Variants in APOB observed in about 807,000 individuals in gnomAD.
The protein encoded by APOB is apolipoprotein B.
APOB carries 153 observed loss-of-function variants against 314.1 expected under a neutral mutation model. The ratio of observed to expected loss-of-function variants is 0.49; its 90% CI spans 0.43 to 0.56. The LOEUF is 0.56. APOB is among the 20% of genes least tolerant of loss of function. The probability of loss-of-function intolerance (pLI) is 0.00; values close to 1 mark genes in which losing one functional copy is unlikely to be tolerated. For missense variants in APOB, 5,430 were observed against 5,350.7 expected, an observed-to-expected ratio of 1.01 and a Z score of -0.46; for synonymous variants, 2,087 against 2,036.4, an observed-to-expected ratio of 1.02 and a Z score of -0.67.
At position 21,026,317 on chromosome 2, in the gene APOB, G is replaced by A. The variant is rs532390779; in HGVS notation, c.2244+471C>T. On this transcript the variant is annotated intron_variant, in intron 15 of 28. Coordinates refer to ENST00000233242, the MANE Select transcript of APOB (RefSeq NM_000384.3). ...GGCTGGAGTGTAACGGCGTGATCTC[G>A]GCTCACTGCAACCTCCACCTCCCGG... Among the ~76,000 whole-genome samples, 12 of 151,608 alleles carry A rather than the reference G, an allele frequency of 7.9e-5. No individual in the cohort carries two copies. In the South Asian group the frequency reaches 2.5e-3, roughly 32 times the overall value.
chr2:21,012,329 C>T lies in APOB; in HGVS notation c.4539G>A (p.Arg1513=), dbSNP rs146654211. The T allele has an allele frequency of 8.7e-6, 14 of 1,614,150 alleles. No individual in the cohort carries two copies. The highest frequency in any genetic ancestry group is 2.7e-5 in the African/African-American group (2 of 75,022). Residue 1513 remains arginine, a synonymous_variant, in exon 26 of 29, where the codon CGG becomes CGA. Transcript: ENST00000233242. ...ACCTCAGGTTGGACTCTCCATTGAG[C>T]CGGCCAGTGTTAGGATCCCTCTGAC... ...LSCQRDPNTG[R]LNGESNLRFN...
intron 14 of APOB, among the ~76,000 whole-genome samples, chr2:21,027,372 C>G (rs1003876845): frequency 7.4e-6 from 1 of 134,610 alleles, no homozygotes; most frequent in African/African-American, 2.8e-5. Context: ...AGCGCAGTGG[C>G]GCAATCTCTC....
rs762080553 is a variant in APOB at position 21,019,744 on chromosome 2, T to C, written c.2978A>G (p.Tyr993Cys). 9.3e-6 allele frequency: 15 copies of C among 1,613,958 alleles called. No individual in the cohort carries two copies. Among genetic ancestry groups the C allele is most frequent in the Non-Finnish European group, 1.3e-5 (15 of 1,180,004 alleles). ...NASSTDSASY[Y>C]PLTGDTRLEL... ...TAACCTGGTGTCCCCGGTCAGCGGA[T>C]AGTAGGAGGCGGAGTCTGTGGAGCT... Residue 993 changes from tyrosine (Y) to cysteine (C), a missense_variant, in exon 19 of 29, where the codon TAT (tyrosine) becomes TGT (cysteine). This residue lies in a region of APOB where 2,085 missense variants were observed against 2,079.7 expected (regional missense o/e 1.00). Coordinates refer to ENST00000233242, the MANE Select transcript of APOB (RefSeq NM_000384.3).
At chr2:21,003,494 T>C (rs1462332760) in intron 28 of APOB, among the ~76,000 whole-genome samples, 160 bp from the exon 29 acceptor site, 1 of 152,202 alleles carries the variant, frequency 6.6e-6, no homozygotes, top group African/African-American at 2.4e-5. Context: ...GTTTGTTTTA[T>C]GGTTAAATAA....
chr2:21,035,419 C>T (rs1386687872), intron 7 of APOB, among the ~76,000 whole-genome samples, 165 bp downstream of exon 7: 1 of 152,126 alleles, frequency 6.6e-6, no homozygotes, highest in Non-Finnish European at 1.5e-5. Flanking sequence ...GACTTTTCTG[C>T]CAAATGGCCT....
In APOB at chr2:21,003,046, TATC is replaced by T. The variant is rs922348629; in HGVS notation, c.12373_12375del (p.Asp4125del). ...GCTGCTTTCTGGAACCTCACGTCGA[TATC>T]ATCAATTTGCCTAATGGCCCCTTGA... On this transcript the variant is annotated inframe_deletion, in exon 29 of 29. Coordinates refer to ENST00000233242, the MANE Select transcript of APOB (RefSeq NM_000384.3). 1.3e-6 allele frequency: 2 copies of T among 1,568,900 alleles called. No individual in the cohort carries two copies.
At chr2:21,043,817 G>T (rs1255706198) in intron 1 of APOB, 47 bp downstream of exon 1, 1 of 1,532,452 alleles carries the variant, frequency 6.5e-7, no homozygotes, top group Admixed American at 1.9e-5. Flanking sequence ...TCGTGCCGCC[G>T]GCTCCCTCCC....
rs1231966626 is a variant in APOB at position 21,001,884 on chromosome 2, A to C, written c.13538T>G (p.Phe4513Cys). ...SDQLSDYYEKFIAESKRLIDL... is the reference protein window; with the variant it reads ...SDQLSDYYEKCIAESKRLIDL... ...AATCAATCTTTTGGATTCAGCAATA[A>C]ATTTTTCATAGTAATCAGAGAGTTG... The change falls in exon 29 of 29, where the codon TTT becomes TGT. Residue 4513 changes from phenylalanine (F) to cysteine (C), a missense_variant. Physicochemically the swap from Phe to Cys is radical, Grantham distance 205 (BLOSUM62 -2). Transcript: ENST00000233242. 1.9e-6 allele frequency: 3 copies of C among 1,614,020 alleles called. No individual in the cohort carries two copies. Among genetic ancestry groups the C allele is most frequent in the South Asian group, 1.1e-5 (1 of 91,074 alleles).
At chr2:21,020,847 G>C (rs1292142852) in intron 18 of APOB, among the ~76,000 whole-genome samples, 1 of 152,156 alleles carries the variant, frequency 6.6e-6, no homozygotes, top group Non-Finnish European at 1.5e-5. Context: ...GCTGCTCTTT[G>C]GCTTCTGTGA....
rs747210676 is a variant in APOB at position 21,001,691 on chromosome 2, A to G, written c.*39T>C. 2.5e-6 allele frequency: 4 copies of G among 1,604,670 alleles called. No individual in the cohort carries two copies. In the East Asian group the frequency reaches 8.9e-5, roughly 36 times the overall value. Reference sequence around the variant, plus strand: ...TTTTTCTGTGCTATGTGAAAGTTCAATTGGAAAAGAAGAATAAATGAAGAT... The same window carrying G: ...TTTTTCTGTGCTATGTGAAAGTTCAGTTGGAAAAGAAGAATAAATGAAGAT... On this transcript the variant is annotated 3_prime_UTR_variant, in exon 29 of 29. Transcript: ENST00000233242.
At chr2:21,026,654 G>T in intron 15 of APOB, 134 bp downstream of exon 15, 1 of 769,222 alleles carries the variant, frequency 1.3e-6, no homozygotes, top group Non-Finnish European at 2.3e-6. Flanking sequence ...CCTTACCCCA[G>T]CAGGTCTGGT....
intron 9 of APOB, 50 bp downstream of exon 9, chr2:21,033,249 A>G (rs750072552): frequency 1.2e-5 from 18 of 1,474,064 alleles, no homozygotes; most frequent in Non-Finnish European, 1.7e-5. Context: ...TTGAAAGTTC[A>G]GTCAGTTACC....
At chr2:21,017,681 T>A (rs1663512655) in intron 20 of APOB, among the ~76,000 whole-genome samples, 2 of 152,214 alleles carry the variant, frequency 1.3e-5, no homozygotes, top group African/African-American at 4.8e-5. Flanking sequence ...GGTTCCTTGC[T>A]GCCCTTGCCC....
chr2:21,012,095 G>A lies in APOB; in HGVS notation c.4773C>T (p.Phe1591=), dbSNP rs1572785247. 7 of 1,613,734 alleles carry A rather than the reference G, an allele frequency of 4.3e-6. No individual in the cohort carries two copies. The East Asian group carries it at 1.6e-4, about 36-fold the overall frequency. Reference sequence around the variant, plus strand: ...AACGCAGCAGTGCATTTTGCTTAGAGAAGGTCATATCCATCTTGTTAGAAG... The same window carrying A: ...AACGCAGCAGTGCATTTTGCTTAGAAAAGGTCATATCCATCTTGTTAGAAG... ...FATSNKMDMT[F]SKQNALLRSE... is the part of the protein sequence containing the mutation. Residue 1591 remains phenylalanine (F), a synonymous_variant, in exon 26 of 29, where the codon TTC becomes TTT. Coordinates refer to ENST00000233242, the MANE Select transcript of APOB (RefSeq NM_000384.3).
At chr2:21,022,048 T>C (rs1490561861) in intron 18 of APOB, among the ~76,000 whole-genome samples, 1 of 152,220 alleles carries the variant, frequency 6.6e-6, no homozygotes, top group Non-Finnish European at 1.5e-5. Flanking sequence ...CTTGAACTCT[T>C]GGGCTCAGTT....
chr2:21,025,248 G>A (rs1663703293), intron 15 of APOB, 124 bp from the exon 16 acceptor site: 1 of 897,108 alleles, frequency 1.1e-6, no homozygotes, highest in South Asian at 1.4e-5. Flanking sequence ...GTGAGGAACA[G>A]GGAGACACTG....
At chr2:21,023,086 A>C (rs755338640) in intron 17 of APOB, 44 bp from the exon 18 acceptor site, 1 of 1,555,306 alleles carries the variant, frequency 6.4e-7, no homozygotes, top group Non-Finnish European at 8.9e-7. Flanking sequence ...TAAATACTTC[A>C]GTCCCCTGTC....
chr2:21,028,179 AC>A, intron 13 of APOB, 114 bp from the exon 14 acceptor site: 1 of 1,139,868 alleles, frequency 8.8e-7, no homozygotes, highest in Non-Finnish European at 1.3e-6. Context: ...GATTTCATTG[AC>A]CCTAAGTCTT....
Position 21,009,730 on chromosome 2 carries a change from C to T in APOB, c.7138G>A (p.Val2380Ile), listed in dbSNP as rs1197690840. Reference protein sequence around the residue: ...LKETIQKLSNVLQQVKIKDYF... With the variant: ...LKETIQKLSNILQQVKIKDYF... ...TCTTTTATCTTAACTTGTTGTAGGA[C>T]ATTGCTTAGCTTCTGAATAGTCTCC... Residue 2380 changes from valine (V) to isoleucine (I), a missense_variant, in exon 26 of 29, where the codon GTC (valine) becomes ATC (isoleucine). This residue lies in a region of APOB where 3,281 missense variants were observed against 3,171.0 expected (regional missense o/e 1.03). Transcript: ENST00000233242. The T allele has an allele frequency of 6.2e-7, 1 of 1,613,850 alleles. No individual in the cohort carries two copies.
Sources: allele counts gnomAD v4.1 joint callset (sites outside exome capture counted in the v4.1 genomes callset), GRCh38; gene constraint gnomAD v4.1.1; regional missense constraint gnomAD v4.1.1; transcripts MANE v1.5; gene names NCBI Gene and HGNC (gene_info 2026-07-23, HGNC 2026-07-21).